Variants in IRAK1BP1 observed in about 807,000 individuals in gnomAD.
IRAK1BP1 encodes the protein interleukin-1 receptor-associated kinase 1-binding protein 1.
IRAK1BP1 carries 24 observed loss-of-function variants against 28.0 expected under a neutral mutation model. The observed-to-expected ratio is 0.86, with a 90% confidence interval of 0.62 to 1.20. The LOEUF is 1.20. IRAK1BP1 is among the 50% of genes most tolerant of loss of function. IRAK1BP1 has a pLI of 0.00. For missense variants in IRAK1BP1, 336 were observed against 316.7 expected (o/e 1.06, Z -0.46); for synonymous variants, 131 against 116.3 (o/e 1.13, Z -0.81).
chr6:78,897,146 G>C (rs2127654104), intron 2 of IRAK1BP1, among the ~76,000 whole-genome samples: 1 of 151,126 alleles, frequency 6.6e-6, no homozygotes, highest in South Asian at 2.1e-4. Context: ...CTTCCTACTT[G>C]GAAGGCTGAG....
intron 4 of IRAK1BP1, among the ~76,000 whole-genome samples, chr6:78,912,918 A>C (rs1415086258): frequency 6.6e-6 from 1 of 152,216 alleles, no homozygotes; most frequent in Non-Finnish European, 1.5e-5. Context: ...AATTTATTAA[A>C]TTTATTACAT....
rs1772073032 is a variant in IRAK1BP1 at position 78,900,965 on chromosome 6, A to C, written c.*2631A>C. The C allele has an allele frequency of 6.6e-6, 1 of 152,192 alleles. No individual in the cohort carries two copies. Among genetic ancestry groups the C allele is most frequent in the African/African-American group, 2.4e-5 (1 of 41,458 alleles). 9.4% of individuals were successfully genotyped at this position (152,192 alleles called of 1,614,324 possible). A position where few individuals can be genotyped will look rare whatever the true frequency, so the allele number is the denominator to read the frequency against. ...TTGAAAATAAAGTTGTCAGAAAACC[A>C]ATGTAACATATGTTGAATTTTTATT... is the stretch of plus-strand genomic sequence containing the variant. On this transcript the variant is annotated 3_prime_UTR_variant, in exon 4 of 4. Coordinates refer to ENST00000369940, the MANE Select transcript of IRAK1BP1 (RefSeq NM_001010844.4).
chr6:78,873,941 C>A (rs895153528), intron 1 of IRAK1BP1, among the ~76,000 whole-genome samples: 1 of 152,134 alleles, frequency 6.6e-6, no homozygotes, highest in East Asian at 1.9e-4. Flanking sequence ...CTTTCCTTTA[C>A]TACACATGCA....
chr6:78,925,226 G>C (rs558892174), intron 4 of IRAK1BP1, among the ~76,000 whole-genome samples: 54 of 152,096 alleles, frequency 3.6e-4, no homozygotes, highest in Non-Finnish European at 6.6e-4. Flanking sequence ...GTTAAATGAC[G>C]GAGTTAGTGG....
intron 4 of IRAK1BP1, among the ~76,000 whole-genome samples, chr6:78,924,831 G>T (rs889504280): frequency 3.9e-5 from 6 of 152,124 alleles, no homozygotes; most frequent in African/African-American, 1.4e-4. Context: ...TATACCCAAA[G>T]GATTATAAAT....
chr6:78,959,015 T>C, the IRAK1BP1 span, among the ~76,000 whole-genome samples: 1 of 152,142 alleles, frequency 6.6e-6, no homozygotes, highest in Non-Finnish European at 1.5e-5. Flanking sequence ...CTAATTATCT[T>C]ACTGGTAATC....
intron 1 of IRAK1BP1, among the ~76,000 whole-genome samples, chr6:78,876,089 C>A (rs181077441): frequency 2.5e-4 from 38 of 152,182 alleles, no homozygotes; most frequent in African/African-American, 9.1e-4. Context: ...ATTGTAATCC[C>A]TATGTGTCAA....
chr6:78,934,040 A>G (rs140638563), intron 4 of IRAK1BP1, among the ~76,000 whole-genome samples: 1 of 152,276 alleles, frequency 6.6e-6, no homozygotes, highest in Non-Finnish European at 1.5e-5. Flanking sequence ...ATTCACTTGA[A>G]CATTTAGAGG....
chr6:78,904,738 A>G (rs1017490420), downstream of IRAK1BP1, among the ~76,000 whole-genome samples: 4 of 152,218 alleles, frequency 2.6e-5, no homozygotes, highest in Admixed American at 2.0e-4. Flanking sequence ...TTTAGTTTGT[A>G]CCAAATTAAT....
At chr6:78,930,259 T>C (rs1773008209) in intron 4 of IRAK1BP1, among the ~76,000 whole-genome samples, 1 of 152,186 alleles carries the variant, frequency 6.6e-6, no homozygotes, top group South Asian at 2.1e-4. Context: ...CTATAGCATG[T>C]CAGCTTGAAC....
chr6:78,943,909 C>T (rs920221726), intron 4 of IRAK1BP1, among the ~76,000 whole-genome samples: 22 of 146,142 alleles, frequency 1.5e-4, no homozygotes, highest in African/African-American at 3.3e-4. Flanking sequence ...TTGCTTGAAC[C>T]GGCAAGGCAG....
At chr6:78,964,525 C>T in the IRAK1BP1 span, among the ~76,000 whole-genome samples, 1 of 152,158 alleles carries the variant, frequency 6.6e-6, no homozygotes, top group African/African-American at 2.4e-5. Context: ...TGGAGTCTCG[C>T]TCTGTTGCCC....
chr6:78,944,099 CAATT>C (rs989084579), intron 4 of IRAK1BP1, among the ~76,000 whole-genome samples: 4 of 146,498 alleles, frequency 2.7e-5, no homozygotes, highest in African/African-American at 1.0e-4. Flanking sequence ...AGGCAACAGA[CAATT>C]AAACTAGGAG....
chr6:78,978,730 TA>T, the IRAK1BP1 span: 1 of 1,580,878 alleles, frequency 6.3e-7, no homozygotes, highest in African/African-American at 1.3e-5. Flanking sequence ...ATTTAAGTAA[TA>T]ATTGTTAAGT....
At chr6:78,938,472 TA>T (rs987330939) in intron 4 of IRAK1BP1, 12 of 151,838 alleles carry the variant, frequency 7.9e-5, no homozygotes, top group African/African-American at 2.6e-4. Context: ...TATAGCCTAT[TA>T]TTTTTTTCTT....
chr6:78,928,881 A>G (rs1772965561), intron 4 of IRAK1BP1, among the ~76,000 whole-genome samples: 1 of 152,156 alleles, frequency 6.6e-6, no homozygotes, highest in Non-Finnish European at 1.5e-5. Context: ...ATAATGAATG[A>G]TCTTTTTCAC....
At chr6:78,870,031 C>G (rs975571948) in intron 1 of IRAK1BP1, among the ~76,000 whole-genome samples, 3 of 139,736 alleles carry the variant, frequency 2.1e-5, no homozygotes, top group Admixed American at 8.2e-5. Flanking sequence ...ATTGCTTGAA[C>G]CCAGGAGGCG....
At chr6:78,892,496 A>G (rs1188908333) in intron 2 of IRAK1BP1, among the ~76,000 whole-genome samples, 1 of 152,166 alleles carries the variant, frequency 6.6e-6, no homozygotes, top group Non-Finnish European at 1.5e-5. Flanking sequence ...CTATTTCAGT[A>G]TGAACTGTGG....
chr6:78,935,821 C>A, intron 4 of IRAK1BP1: 1 of 846,070 alleles, frequency 1.2e-6, no homozygotes, highest in Non-Finnish European at 1.4e-6. Flanking sequence ...TATGTGATGC[C>A]AAAAAACTTT....
Sources: allele counts gnomAD v4.1 joint callset (sites outside exome capture counted in the v4.1 genomes callset), GRCh38; gene constraint gnomAD v4.1.1; transcripts MANE v1.5; gene names NCBI Gene and HGNC (gene_info 2026-07-23, HGNC 2026-07-21).